The following MYO5B variants were observed in gnomAD, a reference collection of about 807,000 sequenced individuals.
MYO5B encodes the protein myosin VB, also known as unconventional myosin-Vb.
A neutral mutation model predicts 229.3 loss-of-function variants in MYO5B; 143 were observed. That is an observed-to-expected ratio of 0.62 (90% CI 0.54 to 0.72). The LOEUF is 0.72. Ranked by LOEUF, MYO5B falls within the 30% of genes least tolerant of loss-of-function variation. The pLI, the probability that MYO5B is intolerant of heterozygous loss-of-function variation, is 0.00. For synonymous variants in MYO5B, 918 were observed against 885.2 expected (o/e 1.04, Z -0.66); for missense variants, 2,321 against 2,331.0 (o/e 1.00, Z 0.09).
chr18:49,929,729 G>A, intron 16 of MYO5B, 131 bp from the exon 17 acceptor site: 1 of 809,996 alleles, frequency 1.2e-6, no homozygotes. Flanking sequence ...CAGCCACTGA[G>A]TTACCCTTGA....
At chr18:49,891,419 C>T (rs1298892156) in intron 22 of MYO5B, among the ~76,000 whole-genome samples, 4 of 152,180 alleles carry the variant, frequency 2.6e-5, no homozygotes, top group Non-Finnish European at 5.9e-5. Flanking sequence ...TTTCTTCCCC[C>T]ATCCCCACAC....
rs777915881 is a variant in MYO5B at position 49,823,107 on chromosome 18, T to A, written c.*3364A>T. 1 of 152,238 alleles carries A rather than the reference T, an allele frequency of 6.6e-6. No homozygotes were observed. Among genetic ancestry groups the A allele is most frequent in the East Asian group, 1.9e-4 (1 of 5,202 alleles). 9.4% of individuals were successfully genotyped at this position (152,238 alleles called of 1,614,324 possible). ...GAAAGTAGCTTAGTTTCATTTCTGA[T>A]TGATCCCCTTTGTTAGAATTAGAAA... On this transcript the variant is annotated 3_prime_UTR_variant, in exon 40 of 40. Coordinates refer to ENST00000285039, the MANE Select transcript of MYO5B (RefSeq NM_001080467.3).
chr18:50,028,175 G>T (rs556847135), intron 4 of MYO5B, among the ~76,000 whole-genome samples: 1 of 152,282 alleles, frequency 6.6e-6, no homozygotes, highest in African/African-American at 2.4e-5. Flanking sequence ...AATATGTGTA[G>T]TTTATTGCTA....
intron 2 of MYO5B, among the ~76,000 whole-genome samples, chr18:50,041,594 T>C (rs982499649): frequency 6.6e-6 from 1 of 152,064 alleles, no homozygotes; most frequent in Non-Finnish European, 1.5e-5. Context: ...TAGCTAGCCA[T>C]TTAGGGAAAA....
At chr18:49,917,460 G>A (rs1168555466) in intron 17 of MYO5B, among the ~76,000 whole-genome samples, 3 of 144,934 alleles carry the variant, frequency 2.1e-5, no homozygotes, top group Non-Finnish European at 4.6e-5. Flanking sequence ...CCAAATGTTT[G>A]TAAAACGTTT....
intron 7 of MYO5B, among the ~76,000 whole-genome samples, chr18:49,987,148 TCCCAGTTCCCAAACTCAGG>T (rs757733850): frequency 9.9e-5 from 15 of 152,118 alleles, no homozygotes; most frequent in Non-Finnish European, 1.6e-4. Flanking sequence ...CCTTCCGAGA[TCCCAGTTCCCAAACTCAGG>T]CCCAGTTCCC....
intron 27 of MYO5B, among the ~76,000 whole-genome samples, chr18:49,867,018 C>T (rs2024403526): frequency 6.6e-6 from 1 of 152,122 alleles, no homozygotes; most frequent in African/African-American, 2.4e-5. Context: ...GAAATGCTGT[C>T]ATGCAGAAGA....
intron 1 of MYO5B, among the ~76,000 whole-genome samples, chr18:50,103,091 G>A (rs1241566949): frequency 6.6e-6 from 1 of 152,204 alleles, no homozygotes; most frequent in Non-Finnish European, 1.5e-5. Context: ...CTGTGCTCAT[G>A]GCTACAGGCT....
chr18:49,932,080 G>A (rs942274759), intron 16 of MYO5B, among the ~76,000 whole-genome samples: 1 of 152,192 alleles, frequency 6.6e-6, no homozygotes, highest in African/African-American at 2.4e-5. Flanking sequence ...ACCTCCTACT[G>A]TTTCCTCATG....
chr18:50,166,193 A>C (rs1344663779), intron 1 of MYO5B, among the ~76,000 whole-genome samples: 1 of 152,154 alleles, frequency 6.6e-6, no homozygotes, highest in African/African-American at 2.4e-5. Flanking sequence ...CACACATTTT[A>C]TGAGCAATTC....
intron 5 of MYO5B, among the ~76,000 whole-genome samples, chr18:49,995,542 C>CTTA (rs2025978897): frequency 6.6e-6 from 1 of 151,932 alleles, no homozygotes; most frequent in South Asian, 2.1e-4. Flanking sequence ...TACATCCTCA[C>CTTA]TTATATCTTT....
At chr18:50,078,821 C>T (rs1425565216) in intron 1 of MYO5B, among the ~76,000 whole-genome samples, 1 of 151,330 alleles carries the variant, frequency 6.6e-6, no homozygotes, top group Non-Finnish European at 1.5e-5. Context: ...TTTGTAAATG[C>T]CAAGAGCTAG....
Position 49,974,475 on chromosome 18 carries a change from A to G in MYO5B, c.1197T>C (p.Asn399=), listed in dbSNP as rs1292776891. ...TGTGCTTCGCCAGGGCGTTGCGCGC[A>G]TTGATCACCTGCTGCAGGGACATGG... ...VKTMSLQQVI[N]ARNALAKHIY... Residue 399 remains asparagine, a synonymous_variant, in exon 10 of 40, where the codon AAT becomes AAC. Coordinates refer to ENST00000285039, the MANE Select transcript of MYO5B (RefSeq NM_001080467.3). The G allele has an allele frequency of 6.2e-7, 1 of 1,614,162 alleles. No homozygotes were observed. Among genetic ancestry groups the G allele is most frequent in the Admixed American group, 1.7e-5 (1 of 60,018 alleles).
At chr18:49,977,570 C>T (rs2025765679) in intron 9 of MYO5B, among the ~76,000 whole-genome samples, 1 of 152,104 alleles carries the variant, frequency 6.6e-6, no homozygotes, top group Admixed American at 6.5e-5. Context: ...ATGGGGCTCA[C>T]CAGGCAAGCA....
rs1460688396 is a variant in MYO5B at position 49,864,256 on chromosome 18, A to C, written c.3728T>G (p.Leu1243Arg). The stretch of plus-strand genomic sequence containing the variant: ...GTGGGCCAGCTTGAGCTGGTTCAGC[A>C]GGAGGCTGTAGCTATCTGGGGAGCC... ...SHGSPDSYSL[L>R]LNQLKLAHEE... is the part of the protein sequence containing the mutation. Residue 1243 changes from leucine (L) to arginine (R), a missense_variant, in exon 28 of 40, where the codon CTG (leucine) becomes CGG (arginine). Around this residue, in one of 2 missense-constraint regions of MYO5B, gnomAD observed 2,113 missense variants for 2,044.7 expected, o/e 1.03. Transcript: ENST00000285039. 1 of 1,614,174 alleles carries C rather than the reference A, an allele frequency of 6.2e-7. No homozygotes were observed.
chr18:50,116,692 G>C lies in MYO5B; in HGVS notation c.28-61314C>G, dbSNP rs62101462. Among the ~76,000 whole-genome samples the C allele has an allele frequency of 7.4e-3, 1,125 of 152,050 alleles. 6 individuals are homozygous for C. Among genetic ancestry groups the C allele is most frequent in the Non-Finnish European group, 0.011 (763 of 67,978 alleles). ...TTCTCAAAGTGTGGTCCCTGGATCA[G>C]CCGCATAGCTTCACGGGGGAACTCG... On this transcript the variant is annotated intron_variant, in intron 1 of 39. Transcript: ENST00000285039.
intron 21 of MYO5B, among the ~76,000 whole-genome samples, chr18:49,896,549 G>A (rs2144133755): frequency 6.6e-6 from 1 of 152,266 alleles, no homozygotes; most frequent in East Asian, 1.9e-4. Context: ...TGGACATGAG[G>A]TTTGGCCCAG....
chr18:49,883,780 T>C (rs1197978123), intron 22 of MYO5B, among the ~76,000 whole-genome samples: 1 of 152,224 alleles, frequency 6.6e-6, no homozygotes, highest in Non-Finnish European at 1.5e-5. Context: ...AAGACAGACA[T>C]ACTGATCAAT....
intron 2 of MYO5B, among the ~76,000 whole-genome samples, chr18:50,047,738 C>T (rs904279323): frequency 5.2e-4 from 79 of 152,220 alleles, no homozygotes; most frequent in African/African-American, 1.8e-3. Context: ...GGCACATATA[C>T]ACCATGGAAT....
Sources: allele counts gnomAD v4.1 joint callset (sites outside exome capture counted in the v4.1 genomes callset), GRCh38; gene constraint gnomAD v4.1.1; regional missense constraint gnomAD v4.1.1; transcripts MANE v1.5; gene names NCBI Gene and HGNC (gene_info 2026-07-23, HGNC 2026-07-21).